MAP4K4: variants seen among roughly 807,000 people sequenced by gnomAD.
MAP4K4 encodes the protein HPK/GCK-like kinase HGK.
A neutral mutation model predicts 189.6 loss-of-function variants in MAP4K4; 38 were observed. The ratio of observed to expected loss-of-function variants is 0.20; its 90% CI spans 0.15 to 0.26. The LOEUF is 0.26. Among genes scored for constraint, MAP4K4 ranks in the 10% least tolerant of loss-of-function variants. The pLI is 1.00. For synonymous variants in MAP4K4, 610 were observed against 624.3 expected, an observed-to-expected ratio of 0.98 and a Z score of 0.34; for missense variants, 1,054 against 1,726.9, an observed-to-expected ratio of 0.61 and a Z score of 6.91.
At chr2:101,761,007 A>C (rs549797423) in intron 2 of MAP4K4, among the ~76,000 whole-genome samples, 6 of 152,338 alleles carry the variant, frequency 3.9e-5, no homozygotes, top group Admixed American at 3.9e-4. Context: ...CTGTCTCAAA[A>C]AAAATTGTTT....
intron 24 of MAP4K4, 36 bp downstream of exon 24, chr2:101,871,721 G>C (rs879095470): frequency 6.6e-7 from 1 of 1,526,558 alleles, no homozygotes. Flanking sequence ...CTTTCCTGGG[G>C]TTAGACCAGC....
chr2:101,885,308 T>G (rs1205040801), intron 29 of MAP4K4, 21 bp downstream of exon 29: 2 of 1,438,760 alleles, frequency 1.4e-6, no homozygotes, highest in Non-Finnish European at 9.6e-7. Flanking sequence ...CAAGTGAATT[T>G]AAAAGTAGTA....
chr2:101,852,189 A>G (rs1162875583), intron 12 of MAP4K4, among the ~76,000 whole-genome samples: 3 of 151,926 alleles, frequency 2.0e-5, no homozygotes, highest in Admixed American at 6.6e-5. Context: ...GTAATAATTA[A>G]ATCTCAAGAC....
rs77562420 is a variant in MAP4K4 at position 101,705,328 on chromosome 2, A to G, written c.123+6790A>G. Among the ~76,000 whole-genome samples, 509 of 152,324 alleles carry G rather than the reference A, an allele frequency of 3.3e-3. 12 individuals are homozygous for G. In the East Asian group the frequency reaches 0.065, roughly 19 times the overall value. On this transcript the variant is annotated intron_variant, in intron 2 of 32. Coordinates refer to ENST00000324219, the Ensembl canonical transcript of MAP4K4. The stretch of plus-strand genomic sequence containing the variant: ...TCAAGAAAAACAGGGGGATGGACAC[A>G]AAATGCCAGCTGTGGGATGTCAGTC...
chr2:101,775,752 G>A (rs564712078), intron 2 of MAP4K4, among the ~76,000 whole-genome samples: 1 of 152,298 alleles, frequency 6.6e-6, no homozygotes, highest in South Asian at 2.1e-4. Context: ...TTCACACCTG[G>A]TTTCCTGGAG....
At chr2:101,823,866 G>A (rs1229233168) in intron 3 of MAP4K4, 62 bp from the exon 4 acceptor site, 2 of 1,417,674 alleles carry the variant, frequency 1.4e-6, no homozygotes, top group African/African-American at 1.4e-5. Flanking sequence ...ATGTAGTGTG[G>A]GGGAAGTAAA....
At chr2:101,826,000 A>T (rs2096338213) in intron 5 of MAP4K4, among the ~76,000 whole-genome samples, 1 of 152,216 alleles carries the variant, frequency 6.6e-6, no homozygotes, top group African/African-American at 2.4e-5. Context: ...GTAAAGCCAT[A>T]TTGACAGCAC....
intron 10 of MAP4K4, among the ~76,000 whole-genome samples, chr2:101,842,152 C>T (rs2096937411): frequency 1.3e-5 from 2 of 152,194 alleles, no homozygotes; most frequent in African/African-American, 2.4e-5. Context: ...CCAGGCTTTT[C>T]TCTCTGCTGC....
intron 2 of MAP4K4, among the ~76,000 whole-genome samples, chr2:101,708,503 T>A (rs994641489): frequency 1.3e-5 from 2 of 152,214 alleles, no homozygotes; most frequent in Admixed American, 6.5e-5. Context: ...TGAGGCAGGA[T>A]GCCAAGCAGT....
In MAP4K4 at chr2:101,860,572, T is replaced by C. The variant is rs17026201; in HGVS notation, c.1705-253T>C. The stretch of plus-strand genomic sequence containing the variant: ...TTCTACTTCATCATCATATACAGTC[T>C]TAGAATTCTGAGCAAGGAGGAGAGC... On this transcript the variant is annotated intron_variant, in intron 15 of 32. Coordinates refer to ENST00000324219, the Ensembl canonical transcript of MAP4K4. 6.6e-3 allele frequency: 2,610 copies of C among 393,270 alleles called. 62 individuals are homozygous for C. The highest frequency in any genetic ancestry group is 0.048 in the African/African-American group (2,343 of 49,064). The allele number at this position is 393,270 out of a possible 1,614,324, so 24.4% of individuals were successfully genotyped here.
Position 101,754,350 on chromosome 2 carries a change from T to G in MAP4K4, c.124-36370T>G, listed in dbSNP as rs1015376652. Among the ~76,000 whole-genome samples the G allele has an allele frequency of 1.1e-3, 163 of 143,160 alleles. 2 individuals are homozygous for G. Among genetic ancestry groups the G allele is most frequent in the African/African-American group, 4.1e-3 (158 of 38,312 alleles). The allele number at this position is 143,160 out of a possible 152,430, so 93.9% of individuals were successfully genotyped here. A position where few individuals can be genotyped will look rare whatever the true frequency, so the allele number is the denominator to read the frequency against. On this transcript the variant is annotated intron_variant, in intron 2 of 32. Coordinates refer to ENST00000324219, the Ensembl canonical transcript of MAP4K4. ...GGGAAGCTTTTTTGCTGTTTTTTTT[T>G]TTTTTTTTTTTTTTTTTGAGAGATG...
chr2:101,745,285 T>C lies in MAP4K4; in HGVS notation c.124-45435T>C, dbSNP rs564594947. On this transcript the variant is annotated intron_variant, in intron 2 of 32. Coordinates refer to ENST00000324219, the Ensembl canonical transcript of MAP4K4. Reference sequence around the variant, plus strand: ...CTTTCTTCTGTAAAATTTCATATTATAAAATAAATTGAATCAGAAATATGG... The same window carrying C: ...CTTTCTTCTGTAAAATTTCATATTACAAAATAAATTGAATCAGAAATATGG... Among the ~76,000 whole-genome samples, 64 of 139,598 alleles carry C rather than the reference T, an allele frequency of 4.6e-4. 1 individual carries two copies. The highest frequency in any genetic ancestry group is 1.7e-3 in the African/African-American group (61 of 34,870). The allele number at this position is 139,598 out of a possible 152,430, so 91.6% of individuals were successfully genotyped here. A position where few individuals can be genotyped will look rare whatever the true frequency, so the allele number is the denominator to read the frequency against.
chr2:101,867,158 C>T lies in MAP4K4; in HGVS notation c.2357-54C>T, dbSNP rs1445356011. 5.1e-6 allele frequency: 6 copies of T among 1,185,558 alleles called. 1 individual carries two copies. In the Middle Eastern group the frequency reaches 1.1e-3, roughly 226 times the overall value. The allele number at this position is 1,185,558 out of a possible 1,614,324, so 73.4% of individuals were successfully genotyped here. A position where few individuals can be genotyped will look rare whatever the true frequency, so the allele number is the denominator to read the frequency against. On this transcript the variant is annotated intron_variant, in intron 19 of 32. Transcript: ENST00000324219. ...GGGTGGGCAGGGCAGCTTCATAATACACATCCATATGTTGATATGTGTCTG... is the reference window on the plus strand; with the variant it reads ...GGGTGGGCAGGGCAGCTTCATAATATACATCCATATGTTGATATGTGTCTG...
At chr2:101,828,913 T>TA (rs2149390461) in intron 5 of MAP4K4, among the ~76,000 whole-genome samples, 1 of 152,328 alleles carries the variant, frequency 6.6e-6, no homozygotes, top group South Asian at 2.1e-4. Context: ...CAAAAAGTGT[T>TA]ATATGCCCAG....
At chr2:101,730,908 A>G (rs2058153245) in intron 2 of MAP4K4, among the ~76,000 whole-genome samples, 1 of 151,570 alleles carries the variant, frequency 6.6e-6, no homozygotes, top group Non-Finnish European at 1.5e-5. Context: ...TTAGCCGGGC[A>G]CGATGGCGGG....
intron 2 of MAP4K4, among the ~76,000 whole-genome samples, chr2:101,748,027 T>C (rs757106539): frequency 6.6e-6 from 1 of 152,236 alleles, no homozygotes; most frequent in Non-Finnish European, 1.5e-5. Context: ...CTGTAGCACA[T>C]TGATGTGCTA....
At chr2:101,881,297 A>G (rs765302769) in intron 27 of MAP4K4, among the ~76,000 whole-genome samples, 6 of 152,190 alleles carry the variant, frequency 3.9e-5, no homozygotes, top group Non-Finnish European at 8.8e-5. Context: ...TACAGGAAAT[A>G]CAGGAAAGTG....
chr2:101,730,890 G>A (rs189190096), intron 2 of MAP4K4, among the ~76,000 whole-genome samples: 8 of 151,656 alleles, frequency 5.3e-5, no homozygotes, highest in South Asian at 2.1e-4. Context: ...TACAAAAAAC[G>A]CAGAAAATTA....
intron 2 of MAP4K4, among the ~76,000 whole-genome samples, chr2:101,719,872 C>T (rs1255296094): frequency 1.3e-5 from 2 of 151,776 alleles, no homozygotes; most frequent in African/African-American, 2.4e-5. Context: ...ATTAGCCGGG[C>T]GTGGTGGCGG....
Sources: gnomAD v4.1 joint callset for allele counts (sites outside exome capture counted in the v4.1 genomes callset) on GRCh38, gnomAD v4.1.1 for gene constraint, MANE v1.5 for transcripts, NCBI Gene and HGNC (gene_info 2026-07-23, HGNC 2026-07-21) for gene names.